Variants in COL4A4 observed in about 807,000 individuals in gnomAD.
COL4A4 encodes the protein collagen type IV alpha 4 chain, also known as collagen alpha-4(IV) chain.
A neutral mutation model predicts 192.9 loss-of-function variants in COL4A4; 105 were observed. That is an observed-to-expected ratio of 0.54 (90% CI 0.46 to 0.64). The LOEUF (loss-of-function observed/expected upper bound fraction) is 0.64. Among genes scored for constraint, COL4A4 ranks in the 30% least tolerant of loss-of-function variants. The pLI, the probability that COL4A4 is intolerant of heterozygous loss-of-function variation, is 0.00. For missense variants in COL4A4, 1,967 were observed against 2,169.3 expected (o/e 0.91, Z 1.85); for synonymous variants, 762 against 769.9 (o/e 0.99, Z 0.17).
chr2:226,994,610 G>A, the COL4A4 span, among the ~76,000 whole-genome samples: 66,220 of 151,848 alleles, frequency 0.44, 14,543 homozygotes, highest in South Asian at 0.57. Context: ...CTACTTACCC[G>A]TATCTATCAG....
In COL4A4 at chr2:227,057,599, C is replaced by T. The variant is rs1975777546; in HGVS notation, c.2385G>A (p.Gly795=). The change falls in exon 29 of 48, where the codon GGG becomes GGA. Residue 795 remains glycine, a splice_region_variant and synonymous_variant. Transcript: ENST00000396625. ...CTAGGAATCCAGGAATGCCAGCTGG[C>T]CCTGAAATGATACAATACATCCATG... ...RGDPGCPGAE[G]PAGIPGFLGL... The T allele has an allele frequency of 6.2e-7, 1 of 1,614,064 alleles. No homozygotes were observed. The highest frequency in any genetic ancestry group is 1.3e-5 in the African/African-American group (1 of 75,034).
At chr2:227,010,263 C>T in intron 46 of COL4A4, 50 bp downstream of exon 46, 1 of 1,591,792 alleles carries the variant, frequency 6.3e-7, no homozygotes, top group East Asian at 2.2e-5. Context: ...TAAAATTAAC[C>T]CCAAATTTTA....
chr2:227,009,860 T>A (rs1963236031), intron 46 of COL4A4, among the ~76,000 whole-genome samples: 1 of 151,936 alleles, frequency 6.6e-6, no homozygotes, highest in Non-Finnish European at 1.5e-5. Context: ...GTAATTTAAA[T>A]TGGAGTAGGG....
chr2:227,019,044 C>A (rs190592977), intron 44 of COL4A4, among the ~76,000 whole-genome samples: 39 of 152,224 alleles, frequency 2.6e-4, no homozygotes, highest in Middle Eastern at 3.4e-3. Context: ...AGTGGGTGAC[C>A]CCAACCATCC....
rs770685084 is a variant in COL4A4, at chr2:227,114,647, C to T, written c.539G>A (p.Gly180Asp). The change falls in exon 8 of 48, where the codon GGT becomes GAT. Residue 180 changes from glycine to aspartate, a missense_variant. Physicochemically the swap from Gly to Asp is moderately conservative, Grantham distance 94. Coordinates refer to ENST00000396625, the MANE Select transcript of COL4A4 (RefSeq NM_000092.5). ...ACTTACCTGAATACCTTTAACGGCA[C>T]CTAAAATGAACACTGAATTTCCTTT... Reference protein sequence around the residue: ...GEKGNSVFILGAVKGIQGDRG... With the variant: ...GEKGNSVFILDAVKGIQGDRG... The T allele has an allele frequency of 3.1e-6, 5 of 1,614,034 alleles. No individual in the cohort carries two copies. In the Admixed American group the frequency reaches 8.3e-5, roughly 27 times the overall value.
At chr2:227,047,294 G>A (rs1264908557) in intron 35 of COL4A4, among the ~76,000 whole-genome samples, 181 bp downstream of exon 35, 3 of 151,058 alleles carry the variant, frequency 2.0e-5, no homozygotes, top group Non-Finnish European at 4.4e-5. Flanking sequence ...TAACCCTGGT[G>A]TTCTTCTAGG....
the COL4A4 span, chr2:226,995,723 C>A: frequency 1.7e-6 from 1 of 588,338 alleles, no homozygotes; most frequent in Non-Finnish European, 3.0e-6. Flanking sequence ...CTTCTCCTGG[C>A]CTTGTTCTTG....
At chr2:227,139,688 C>T (rs1180529401) in intron 4 of COL4A4, among the ~76,000 whole-genome samples, 1 of 152,130 alleles carries the variant, frequency 6.6e-6, no homozygotes, top group Non-Finnish European at 1.5e-5. Flanking sequence ...CAGTGCCTGG[C>T]ACATAACAAG....
intron 2 of COL4A4, among the ~76,000 whole-genome samples, chr2:227,146,053 G>A (rs756041748): frequency 2.6e-5 from 4 of 152,084 alleles, no homozygotes; most frequent in Non-Finnish European, 5.9e-5. Context: ...AGCAATTGTC[G>A]CTTTTCTCTA....
the COL4A4 span, among the ~76,000 whole-genome samples, chr2:226,967,666 C>T: frequency 6.6e-6 from 1 of 151,784 alleles, no homozygotes; most frequent in Non-Finnish European, 1.5e-5. Flanking sequence ...AGTAATTTTT[C>T]TGTCTGTAGC....
chr2:227,117,316 G>A (rs1262359504), intron 7 of COL4A4, among the ~76,000 whole-genome samples: 1 of 152,214 alleles, frequency 6.6e-6, no homozygotes, highest in South Asian at 2.1e-4. Context: ...TCATGAATCT[G>A]TAGAATGAGG....
At position 227,003,466 on chromosome 2, in the gene COL4A4, C is replaced by G. The variant is rs763050621; in HGVS notation, c.*3859G>C. 9 of 152,164 alleles carry G rather than the reference C, an allele frequency of 5.9e-5. No individual in the cohort carries two copies. Among genetic ancestry groups the G allele is most frequent in the Non-Finnish European group, 1.3e-4 (9 of 68,028 alleles). 9.4% of individuals were successfully genotyped at this position (152,164 alleles called of 1,614,324 possible). A position where few individuals can be genotyped will look rare whatever the true frequency, so the allele number is the denominator to read the frequency against. ...CCTGGGTTCGACCAACTCTCAAGTCCTCTTCTTTCCACTATTCTTGCAGCC... is the reference window on the plus strand; with the variant it reads ...CCTGGGTTCGACCAACTCTCAAGTCGTCTTCTTTCCACTATTCTTGCAGCC... On this transcript the variant is annotated 3_prime_UTR_variant, in exon 48 of 48. Transcript: ENST00000396625.
At chr2:227,070,066 A>G (rs576388438) in intron 25 of COL4A4, among the ~76,000 whole-genome samples, 1 of 152,102 alleles carries the variant, frequency 6.6e-6, no homozygotes, top group Non-Finnish European at 1.5e-5. Context: ...GAAGGACATG[A>G]ACAGACACTT....
intron 4 of COL4A4, among the ~76,000 whole-genome samples, chr2:227,137,224 G>A (rs1006232407): frequency 2.0e-5 from 3 of 152,138 alleles, no homozygotes; most frequent in Non-Finnish European, 2.9e-5. Flanking sequence ...AATGCCTTGC[G>A]CTTGTTTAAC....
intron 30 of COL4A4, among the ~76,000 whole-genome samples, chr2:227,055,360 AAAT>A (rs1445514513): frequency 6.6e-6 from 1 of 151,414 alleles, no homozygotes; most frequent in Non-Finnish European, 1.5e-5. Context: ...AAAAAAAAAA[AAAT>A]TAGGCGTGGT....
At chr2:227,163,952 C>G (rs2065074018) in intron 1 of COL4A4, 55 bp downstream of exon 1, 1 of 152,436 alleles carries the variant, frequency 6.6e-6, no homozygotes, top group African/African-American at 2.4e-5. Flanking sequence ...ACTGCCCCTC[C>G]CAGGCAGGTG....
At position 227,010,399 on chromosome 2, in the gene COL4A4, G is replaced by T; in HGVS notation, c.4436C>A (p.Thr1479Asn). The change falls in exon 46 of 48, where the codon ACC becomes AAC. Residue 1479 changes from threonine to asparagine, a missense_variant. Thr to Asn is a moderately conservative substitution (Grantham distance 65, BLOSUM62 0). Transcript: ENST00000396625. ...VLHSQTDQEP[T>N]CPLGMPRLWT... Reference sequence around the variant, plus strand: ...GAGCCTGGGCATGCCCAGGGGGCAGGTGGGCTCCTGGTCCGTCTGACTGTG... The same window carrying T: ...GAGCCTGGGCATGCCCAGGGGGCAGTTGGGCTCCTGGTCCGTCTGACTGTG... The T allele has an allele frequency of 6.2e-7, 1 of 1,614,200 alleles. No homozygotes were observed.
At chr2:226,973,652 G>T in the COL4A4 span, among the ~76,000 whole-genome samples, 3 of 152,236 alleles carry the variant, frequency 2.0e-5, no homozygotes, top group East Asian at 3.8e-4. Context: ...ACAAAGGTAA[G>T]TTAGATCAAG....
intron 45 of COL4A4, among the ~76,000 whole-genome samples, chr2:227,010,892 T>C (rs1172268195): frequency 6.6e-6 from 1 of 152,196 alleles, no homozygotes; most frequent in East Asian, 1.9e-4. Context: ...ACCCCAAGTG[T>C]GGACTCCCCA....
Sources: gnomAD v4.1 joint callset for allele counts (sites outside exome capture counted in the v4.1 genomes callset) on GRCh38, gnomAD v4.1.1 for gene constraint, MANE v1.5 for transcripts, NCBI Gene and HGNC (gene_info 2026-07-23, HGNC 2026-07-21) for gene names.